The following FGGY variants were observed in gnomAD, a reference collection of about 807,000 sequenced individuals.
FGGY encodes FGGY carbohydrate kinase domain containing, also known as FGGY carbohydrate kinase domain-containing protein.
In FGGY, 72 loss-of-function variants were observed where a neutral mutation model predicts 71.3. That is an observed-to-expected ratio of 1.01 (90% confidence interval 0.84 to 1.23). The LOEUF is 1.23. Ranked by LOEUF, FGGY falls within the 50% of genes most tolerant of loss-of-function variation. The pLI is 0.00. For synonymous variants in FGGY, 251 were observed against 250.3 expected (o/e 1.00, Z -0.02); for missense variants, 668 against 682.3 (o/e 0.98, Z 0.23).
At chr1:59,497,712 A>G (rs979708452) in intron 6 of FGGY, among the ~76,000 whole-genome samples, 1 of 151,986 alleles carries the variant, frequency 6.6e-6, no homozygotes, top group Non-Finnish European at 1.5e-5. Context: ...TGTTCTTCTG[A>G]CTCTCACCTG....
intron 8 of FGGY, among the ~76,000 whole-genome samples, chr1:59,560,799 A>G (rs554830121): frequency 7.2e-5 from 11 of 152,272 alleles, no homozygotes; most frequent in African/African-American, 2.4e-4. Flanking sequence ...GTGTGGTGGA[A>G]GTAGGAAGAA....
At chr1:59,623,188 G>A (rs2096826466) in intron 9 of FGGY, among the ~76,000 whole-genome samples, 1 of 152,044 alleles carries the variant, frequency 6.6e-6, no homozygotes, top group African/African-American at 2.4e-5. Flanking sequence ...TATTCTCCAT[G>A]CCTGGTCATC....
intron 6 of FGGY, among the ~76,000 whole-genome samples, chr1:59,461,711 C>T (rs1391996684): frequency 1.3e-5 from 2 of 152,120 alleles, no homozygotes; most frequent in Non-Finnish European, 2.9e-5. Flanking sequence ...AGACTCACCA[C>T]GGATCTCTCA....
intron 6 of FGGY, among the ~76,000 whole-genome samples, chr1:59,503,819 GC>G (rs1439088186): frequency 6.6e-6 from 1 of 151,738 alleles, no homozygotes; most frequent in African/African-American, 2.4e-5. Flanking sequence ...AACTCCCATA[GC>G]CCTTATTATA....
At chr1:59,521,661 A>G (rs1003144849) in intron 7 of FGGY, among the ~76,000 whole-genome samples, 3 of 152,206 alleles carry the variant, frequency 2.0e-5, no homozygotes, top group Non-Finnish European at 4.4e-5. Flanking sequence ...GAGAAAACTG[A>G]GGCCCAGACA....
chr1:59,450,424 T>C (rs2072432701), intron 5 of FGGY, among the ~76,000 whole-genome samples: 1 of 152,208 alleles, frequency 6.6e-6, no homozygotes, highest in South Asian at 2.1e-4. Flanking sequence ...GTTCTGATAC[T>C]CTTCATTCCT....
At chr1:59,507,621 G>T (rs371459374) in intron 6 of FGGY, among the ~76,000 whole-genome samples, 1 of 150,926 alleles carries the variant, frequency 6.6e-6, no homozygotes, top group African/African-American at 2.4e-5. Flanking sequence ...GGGTTCAAGC[G>T]ATTCTCCTGC....
At chr1:59,320,065 G>A (rs947499702) in intron 1 of FGGY, among the ~76,000 whole-genome samples, 28 of 152,168 alleles carry the variant, frequency 1.8e-4, no homozygotes, top group African/African-American at 6.8e-4. Flanking sequence ...GCAAGGGAGA[G>A]AAGTTGAGGT....
Position 59,554,163 on chromosome 1 carries a change from G to T in FGGY, c.839G>T (p.Cys280Phe). Residue 280 changes from cysteine to phenylalanine, a missense_variant, in exon 8 of 16, where the codon TGT (cysteine) becomes TTT (phenylalanine). Cys to Phe is a radical substitution (Grantham distance 205). Around this residue, in one of 2 missense-constraint regions of FGGY, gnomAD observed 661 missense variants for 661.6 expected, o/e 1.00. Transcript: ENST00000303721. Reference protein sequence around the residue: ...GADVRGHGLICEGQPVTSRLA... With the variant: ...GADVRGHGLIFEGQPVTSRLA... The stretch of plus-strand genomic sequence containing the variant: ...GATGTGAGAGGGCACGGCCTCATCT[G>T]TGAGGGGCAGCCAGTGACGTCACGG... The T allele has an allele frequency of 1.2e-6, 2 of 1,613,566 alleles. No individual in the cohort carries two copies.
chr1:59,584,553 A>C (rs978323409), intron 8 of FGGY, among the ~76,000 whole-genome samples: 1 of 150,032 alleles, frequency 6.7e-6, no homozygotes, highest in African/African-American at 2.5e-5. Context: ...ACAAACCCAC[A>C]GCCAATATCA....
At chr1:59,736,166 CTGCCATGATT>C (rs2098101445) in intron 14 of FGGY, among the ~76,000 whole-genome samples, 1 of 152,164 alleles carries the variant, frequency 6.6e-6, no homozygotes, top group African/African-American at 2.4e-5. Context: ...TCCTTGCCTT[CTGCCATGATT>C]GTGAGGCCTC....
intron 7 of FGGY, among the ~76,000 whole-genome samples, chr1:59,543,007 G>A (rs1403903875): frequency 2.0e-5 from 3 of 152,146 alleles, no homozygotes; most frequent in Admixed American, 1.3e-4. Flanking sequence ...GAGGTGGAGA[G>A]GAGAGCTAAA....
In FGGY at chr1:59,397,418, C is replaced by G. The variant is rs914070530; in HGVS notation, c.554+18581C>G. Among the ~76,000 whole-genome samples, 5 of 152,208 alleles carry G rather than the reference C, an allele frequency of 3.3e-5. No homozygotes were observed. The East Asian group carries it at 7.7e-4, about 23-fold the overall frequency. ...AGTGAAACTTCCTGAATAACAGCCACAGAAACAACTCATGTATTTGGTGGT... is the reference window on the plus strand; with the variant it reads ...AGTGAAACTTCCTGAATAACAGCCAGAGAAACAACTCATGTATTTGGTGGT... On this transcript the variant is annotated intron_variant, in intron 5 of 15. Transcript: ENST00000303721.
rs58143571 is a variant in FGGY at position 59,557,592 on chromosome 1, G to T, written c.903+3365G>T. On this transcript the variant is annotated intron_variant, in intron 8 of 15. Transcript: ENST00000303721. ...TGGGCTGCACATTTATCTTCCTTGTGGGTGATTTAATTAACAGGGGAAAAA... is the reference window on the plus strand; with the variant it reads ...TGGGCTGCACATTTATCTTCCTTGTTGGTGATTTAATTAACAGGGGAAAAA... Among the ~76,000 whole-genome samples, 1,055 of 152,266 alleles carry T rather than the reference G, an allele frequency of 6.9e-3. 10 individuals carry two copies. Among genetic ancestry groups the T allele is most frequent in the African/African-American group, 0.024 (987 of 41,544 alleles).
chr1:59,565,025 G>A (rs147157513), intron 8 of FGGY, among the ~76,000 whole-genome samples: 330 of 152,236 alleles, frequency 2.2e-3, no homozygotes, highest in African/African-American at 7.6e-3. Context: ...TGGCAGCATG[G>A]GTTCTTCTCC....
rs767814041 is a variant in FGGY, at chr1:59,608,198, C to T, written c.1011+288C>T. ...AGAATGATATTCTACTTAGAGAAAA[C>T]GACATGTTACTCCCCAGCCCAAATC... On this transcript the variant is annotated intron_variant, in intron 9 of 15. Coordinates refer to ENST00000303721, the MANE Select transcript of FGGY (RefSeq NM_018291.5). Among the ~76,000 whole-genome samples, 6 of 152,118 alleles carry T rather than the reference C, an allele frequency of 3.9e-5. No homozygotes were observed. The East Asian group carries it at 1.2e-3, about 29-fold the overall frequency.
chr1:59,639,112 G>GA (rs2096991936), intron 11 of FGGY, among the ~76,000 whole-genome samples: 2 of 152,176 alleles, frequency 1.3e-5, no homozygotes, highest in African/African-American at 4.8e-5. Context: ...CAGGAACCAG[G>GA]AAAATGTCAT....
chr1:59,588,374 G>T (rs1571728475), intron 8 of FGGY, among the ~76,000 whole-genome samples: 1 of 152,038 alleles, frequency 6.6e-6, no homozygotes, highest in East Asian at 1.9e-4. Context: ...CACTCTGCAG[G>T]ATATTATCCA....
chr1:59,500,160 C>A (rs2094180792), intron 6 of FGGY, among the ~76,000 whole-genome samples: 1 of 152,106 alleles, frequency 6.6e-6, no homozygotes, highest in South Asian at 2.1e-4. Context: ...CAAATATGAT[C>A]AGAGCAAATT....
Sources: allele counts gnomAD v4.1 joint callset (sites outside exome capture counted in the v4.1 genomes callset), GRCh38; gene constraint gnomAD v4.1.1; regional missense constraint gnomAD v4.1.1; transcripts MANE v1.5; gene names NCBI Gene and HGNC (gene_info 2026-07-23, HGNC 2026-07-21).